CECR2: variants seen among roughly 807,000 people sequenced by gnomAD.
The protein encoded by CECR2 is CECR2 histone acetyl-lysine reader.
In CECR2, 30 loss-of-function variants were observed where a neutral mutation model predicts 154.5. The observed-to-expected ratio is 0.19, with a 90% CI of 0.15 to 0.26. The LOEUF (loss-of-function observed/expected upper bound fraction) is 0.26. Ranked by LOEUF, CECR2 falls within the 10% of genes least tolerant of loss-of-function variation. The probability of loss-of-function intolerance (pLI) is 1.00; values close to 1 mark genes in which losing one functional copy is unlikely to be tolerated. For missense variants in CECR2, 1,743 were observed against 1,829.3 expected, an observed-to-expected ratio of 0.95 and a Z score of 0.86; for synonymous variants, 725 against 683.7, an observed-to-expected ratio of 1.06 and a Z score of -0.94.
chr22:17,485,849 A>G (rs960613160), intron 2 of CECR2, among the ~76,000 whole-genome samples: 12 of 152,352 alleles, frequency 7.9e-5, no homozygotes, highest in African/African-American at 2.9e-4. Flanking sequence ...CAGCAGAGCT[A>G]ATTTCCCAAA....
intron 4 of CECR2, 104 bp downstream of exon 4, chr22:17,499,653 A>C (rs1427367605): frequency 7.5e-6 from 9 of 1,202,730 alleles, no homozygotes; most frequent in Non-Finnish European, 1.0e-5. Flanking sequence ...TAATGAAGGA[A>C]TTCTCTAAGC....
chr22:17,412,412 C>G (rs577187746), intron 1 of CECR2, among the ~76,000 whole-genome samples: 1 of 152,214 alleles, frequency 6.6e-6, no homozygotes, highest in African/African-American at 2.4e-5. Flanking sequence ...CACCCCCACA[C>G]TCTTCACTAC....
rs1050272622 is a variant in CECR2, at chr22:17,401,427, G to A, written c.126+31518G>A. Among the ~76,000 whole-genome samples the A allele has an allele frequency of 4.6e-5, 7 of 152,126 alleles. No individual in the cohort carries two copies. The South Asian group carries it at 1.0e-3, about 23-fold the overall frequency. On this transcript the variant is annotated intron_variant, in intron 1 of 18. Transcript: ENST00000262608. ...ACGAACATGTCCGCCAACGCCACGC[G>A]AGGGTGTGATATCCTTGTGTCCCTT...
At chr22:17,365,249 T>C (rs73153485), upstream of CECR2, among the ~76,000 whole-genome samples, 1,055 of 152,034 alleles carry the variant, frequency 6.9e-3, 9 homozygotes, top group Middle Eastern at 0.014. Flanking sequence ...GAAAAAGATT[T>C]GGATGCTTGT....
chr22:17,469,376 C>G (rs1162283773), intron 1 of CECR2, among the ~76,000 whole-genome samples: 1 of 152,172 alleles, frequency 6.6e-6, no homozygotes, highest in Admixed American at 6.5e-5. Context: ...ATTCAACACA[C>G]ACCACCCTTC....
rs75242182 is a variant in CECR2, at chr22:17,410,921, A to G, written c.126+41012A>G. Among the ~76,000 whole-genome samples the G allele has an allele frequency of 6.4e-3, 969 of 152,298 alleles. 14 individuals carry two copies. Among genetic ancestry groups the G allele is most frequent in the African/African-American group, 0.022 (923 of 41,556 alleles). ...CTGGAAAGGATGTTAGAGATAATTT[A>G]GGTTTAACTCATAGTTTTACAGATG... On this transcript the variant is annotated intron_variant, in intron 1 of 18. Transcript: ENST00000262608.
chr22:17,378,578 A>C (rs1004375862), intron 1 of CECR2, among the ~76,000 whole-genome samples: 5 of 152,108 alleles, frequency 3.3e-5, no homozygotes, highest in African/African-American at 1.2e-4. Context: ...GAGCCGGCCC[A>C]CCTGGCCCTC....
chr22:17,515,116 T>G (rs899299506), intron 8 of CECR2, among the ~76,000 whole-genome samples: 3 of 151,982 alleles, frequency 2.0e-5, no homozygotes, highest in African/African-American at 7.3e-5. Flanking sequence ...AAATTGTAAT[T>G]GTTGAGAATT....
At chr22:17,530,239 G>C (rs2056333135) in intron 9 of CECR2, among the ~76,000 whole-genome samples, 1 of 150,074 alleles carries the variant, frequency 6.7e-6, no homozygotes, top group African/African-American at 2.5e-5. Context: ...TGTTGTTGTT[G>C]TTTTGAGACG....
chr22:17,384,003 T>C (rs2063231416), intron 1 of CECR2, among the ~76,000 whole-genome samples: 2 of 152,142 alleles, frequency 1.3e-5, no homozygotes, highest in Non-Finnish European at 2.9e-5. Flanking sequence ...TTTCTTTTGC[T>C]GTATCTATCG....
intron 1 of CECR2, among the ~76,000 whole-genome samples, chr22:17,456,304 A>T (rs1295716382): frequency 6.6e-6 from 1 of 152,120 alleles, no homozygotes; most frequent in African/African-American, 2.4e-5. Context: ...ATATTTTATA[A>T]TATGCCGTAT....
In CECR2 at chr22:17,552,848, A is replaced by G. The variant is rs754955664; in HGVS notation, c.*8A>G. ...TGTTTCTTTCAGAGCTAGTCCAAGG[A>G]GGAAATGAGCCCCAAGCAATGGAAA... On this transcript the variant is annotated 3_prime_UTR_variant, in exon 19 of 19. Coordinates refer to ENST00000262608, the MANE Select transcript of CECR2 (RefSeq NM_001290047.2). 4.7e-6 allele frequency: 7 copies of G among 1,496,416 alleles called. No homozygotes were observed. In the South Asian group the frequency reaches 8.5e-5, roughly 18 times the overall value. 92.7% of individuals were successfully genotyped at this position (1,496,416 alleles called of 1,614,324 possible).
At chr22:17,544,259 G>A (rs1288156553) in intron 16 of CECR2, among the ~76,000 whole-genome samples, 2 of 152,126 alleles carry the variant, frequency 1.3e-5, no homozygotes, top group African/African-American at 4.8e-5. Context: ...AGCACTTTGG[G>A]AGGCCAAGGC....
In CECR2 at chr22:17,548,128, C is replaced by CTT. The variant is rs695573; in HGVS notation, c.2861-6_2861-5dup. 3.0e-3 allele frequency: 4,167 copies of CTT among 1,372,610 alleles called. 1 individual carries two copies. The highest frequency in any genetic ancestry group is 7.0e-3 in the South Asian group (482 of 68,508). The allele number at this position is 1,372,610 out of a possible 1,614,324, so 85.0% of individuals were successfully genotyped here. ...CAGCTACTGAGTTATTTTTTCTCCT[C>CTT]TTTTTTTTTTTTTTTGCAGCAGAGC... is the stretch of plus-strand genomic sequence containing the variant. On this transcript the variant is annotated intron_variant, in intron 16 of 18. Transcript: ENST00000262608.
chr22:17,524,078 G>A, intron 8 of CECR2, 40 bp from the exon 9 acceptor site: 5 of 1,463,562 alleles, frequency 3.4e-6, no homozygotes, highest in Non-Finnish European at 4.7e-6. Flanking sequence ...TATCTTGCAT[G>A]ATTGTGTACT....
intron 1 of CECR2, among the ~76,000 whole-genome samples, chr22:17,381,928 C>T (rs2063197391): frequency 6.6e-6 from 1 of 151,580 alleles, no homozygotes; most frequent in African/African-American, 2.4e-5. Flanking sequence ...CACTCTGTCA[C>T]CCAGGCTGGA....
chr22:17,529,699 CAAAAA>C (rs34980904), intron 9 of CECR2, among the ~76,000 whole-genome samples: 1 of 100,524 alleles, frequency 9.9e-6, no homozygotes, highest in Admixed American at 1.1e-4. Context: ...GATTCCGTCT[CAAAAA>C]AAAAAAAAAA....
chr22:17,510,749 G>C (rs779468626), intron 7 of CECR2, among the ~76,000 whole-genome samples: 15 of 151,990 alleles, frequency 9.9e-5, no homozygotes, highest in Admixed American at 3.3e-4. Context: ...CTACAGGCAC[G>C]CACCACCATG....
intron 8 of CECR2, among the ~76,000 whole-genome samples, chr22:17,516,322 ACATGTATG>A (rs1335949406): frequency 6.6e-6 from 1 of 152,144 alleles, no homozygotes; most frequent in Non-Finnish European, 1.5e-5. Flanking sequence ...ATACATATAT[ACATGTATG>A]TACATGCACC....
Sources: gnomAD v4.1 joint callset for allele counts (sites outside exome capture counted in the v4.1 genomes callset) on GRCh38, gnomAD v4.1.1 for gene constraint, MANE v1.5 for transcripts, NCBI Gene and HGNC (gene_info 2026-07-23, HGNC 2026-07-21) for gene names.